The following KIRREL2 variants were observed in gnomAD, a reference collection of about 807,000 sequenced individuals.
KIRREL2 encodes the protein kin of IRRE-like protein 2.
In KIRREL2, 56 loss-of-function variants were observed where a neutral mutation model predicts 73.4. The observed-to-expected ratio is 0.76, with a 90% CI of 0.62 to 0.95. The LOEUF is 0.95. KIRREL2 is among the 40% of genes least tolerant of loss of function. The pLI is 0.00. For missense variants in KIRREL2, 896 were observed against 935.0 expected, an observed-to-expected ratio of 0.96 and a Z score of 0.54; for synonymous variants, 407 against 404.0, an observed-to-expected ratio of 1.01 and a Z score of -0.09.
At chr19:35,859,435 A>C in intron 4 of KIRREL2, 46 bp from the exon 5 acceptor site, 1 of 1,557,052 alleles carries the variant, frequency 6.4e-7, no homozygotes, top group Non-Finnish European at 8.8e-7. Context: ...AAGATTGGAC[A>C]CCCCTGATGG....
rs144138799 is a variant in KIRREL2, at chr19:35,858,732, C to T, written c.390C>T (p.Gly130=). ...CCCCAGAAGCCCCCCAGGTGCTGGG[C>T]GGCCCCTCTGTGTCTCTGGTTGCTG... ...LVPPEAPQVL[G]GPSVSLVAGV... Residue 130 remains glycine, a synonymous_variant, in exon 4 of 15, where the codon GGC becomes GGT. Transcript: ENST00000360202. The T allele has an allele frequency of 1.1e-5, 18 of 1,614,152 alleles. No individual in the cohort carries two copies. The highest frequency in any genetic ancestry group is 4.5e-5 in the East Asian group (2 of 44,878).
chr19:35,861,394 C>A (rs965172834), intron 9 of KIRREL2, 140 bp downstream of exon 9: 10 of 1,468,072 alleles, frequency 6.8e-6, no homozygotes, highest in Middle Eastern at 1.7e-4. Context: ...CTATTGAAGG[C>A]GAGGCTTTTA....
Position 35,857,423 on chromosome 19 carries a change from T to A in KIRREL2, c.140T>A (p.Leu47Gln), listed in dbSNP as rs749525294. ...LGEEARLPCA[L>Q]GAYWGLVQWT... ...GAGGAAGCCCGGCTGCCGTGTGCTC[T>A]GGGCGCCTACTGGGGGCTAGTTCAG... Residue 47 changes from leucine to glutamine, a missense_variant, in exon 2 of 15, where the codon CTG becomes CAG. Transcript: ENST00000360202. The A allele has an allele frequency of 2.4e-5, 39 of 1,612,932 alleles. No homozygotes were observed. Among genetic ancestry groups the A allele is most frequent in the Middle Eastern group, 1.8e-4 (1 of 5,472 alleles).
rs150657349 is a variant in KIRREL2 at position 35,861,866 on chromosome 19, C to T, written c.1352C>T (p.Thr451Ile). 1.3e-6 allele frequency: 2 copies of T among 1,592,324 alleles called. No individual in the cohort carries two copies. The highest frequency in any genetic ancestry group is 1.7e-6 in the Non-Finnish European group (2 of 1,169,680). Reference protein sequence around the residue: ...AGSQGRFLVETFPAPESRGGL... With the variant: ...AGSQGRFLVEIFPAPESRGGL... ...TCGCAGGGCCGGTTCCTGGTGGAGACATTCCCTGCCCCAGAGAGCCGCGGG... is the reference window on the plus strand; with the variant it reads ...TCGCAGGGCCGGTTCCTGGTGGAGATATTCCCTGCCCCAGAGAGCCGCGGG... Residue 451 changes from threonine to isoleucine, a missense_variant, in exon 11 of 15, where the codon ACA (threonine) becomes ATA (isoleucine). Transcript: ENST00000360202.
At chr19:35,856,901 G>A, upstream of KIRREL2, 1 of 632,876 alleles carries the variant, frequency 1.6e-6, no homozygotes, top group Non-Finnish European at 2.9e-6. This position sits in a 1 kb window ranked among gnomAD's most constrained non-coding sequence, Gnocchi z 5.9. Flanking sequence ...GGGCCCTCTT[G>A]GGGTCTCCCA....
intron 5 of KIRREL2, among the ~76,000 whole-genome samples, chr19:35,859,927 T>G (rs1299591901): frequency 2.0e-5 from 3 of 152,112 alleles, no homozygotes; most frequent in African/African-American, 4.8e-5. Context: ...CACTTGTAAT[T>G]CCAGCTACCT....
intron 4 of KIRREL2, 90 bp downstream of exon 4, chr19:35,858,954 C>A: frequency 7.2e-7 from 1 of 1,392,806 alleles, no homozygotes; most frequent in Non-Finnish European, 1.0e-6. Flanking sequence ...GAGAAGAAGA[C>A]ATGGGAGGGC....
rs77511944 is a variant in KIRREL2 at position 35,858,852 on chromosome 19, C to T, written c.510C>T (p.Ala170=). Residue 170 remains alanine (A), a synonymous_variant, in exon 4 of 15, where the codon GCC becomes GCT. Transcript: ENST00000360202. ...GAGATGGGGTCCTGTTGGATGGAGCCACCTTCCATCAGGTCAGGTCCAAAT... is the reference window on the plus strand; with the variant it reads ...GAGATGGGGTCCTGTTGGATGGAGCTACCTTCCATCAGGTCAGGTCCAAAT... The part of the protein sequence containing the change: ...WFRDGVLLDG[A]TFHQTLLKEG... 1.2e-6 allele frequency: 2 copies of T among 1,614,066 alleles called. No homozygotes were observed. The highest frequency in any genetic ancestry group is 1.3e-5 in the African/African-American group (1 of 74,918).
upstream of KIRREL2, among the ~76,000 whole-genome samples, chr19:35,852,168 A>C (rs2146834791): frequency 7.0e-6 from 1 of 142,836 alleles, no homozygotes; most frequent in South Asian, 2.2e-4. Context: ...CCTTCAAGCC[A>C]TCCTCCCACC....
At chr19:35,859,974 G>A (rs1376924555) in intron 5 of KIRREL2, among the ~76,000 whole-genome samples, 2 of 152,170 alleles carry the variant, frequency 1.3e-5, no homozygotes, top group East Asian at 1.9e-4. Flanking sequence ...GTACCCGGGA[G>A]GCAGATGTTG....
At chr19:35,865,583 G>GATC (rs1973931805) in intron 14 of KIRREL2, among the ~76,000 whole-genome samples, 1 of 152,122 alleles carries the variant, frequency 6.6e-6, no homozygotes, top group Non-Finnish European at 1.5e-5. Context: ...ATGACAGCTC[G>GATC]ATCATTTTGC....
chr19:35,858,737 C>G lies in KIRREL2; in HGVS notation c.395C>G (p.Pro132Arg). The change falls in exon 4 of 15, where the codon CCC (proline) becomes CGC (arginine). Residue 132 changes from proline to arginine, a missense_variant. By Grantham distance (103) the Pro-to-Arg change is moderately radical. Coordinates refer to ENST00000360202, the MANE Select transcript of KIRREL2 (RefSeq NM_199180.4). ...PPEAPQVLGG[P>R]SVSLVAGVPA... ...GAAGCCCCCCAGGTGCTGGGCGGCC[C>G]CTCTGTGTCTCTGGTTGCTGGAGTT... The G allele has an allele frequency of 1.2e-6, 2 of 1,614,200 alleles. No individual in the cohort carries two copies. The highest frequency in any genetic ancestry group is 1.7e-6 in the Non-Finnish European group (2 of 1,180,044).
At chr19:35,855,528 A>G (rs1015196642), upstream of KIRREL2, among the ~76,000 whole-genome samples, 2 of 150,592 alleles carry the variant, frequency 1.3e-5, no homozygotes, top group East Asian at 3.9e-4. Context: ...GCCACACAGA[A>G]GCCGGGAGTG....
Position 35,866,671 on chromosome 19 carries a change from C to A in KIRREL2, c.*179C>A. ...CAGTCAGCTCAGCCAAAGGAGATGC[C>A]CCAAGTGGGAGCAACATGGCCACCC... On this transcript the variant is annotated 3_prime_UTR_variant, in exon 15 of 15. Coordinates refer to ENST00000360202, the MANE Select transcript of KIRREL2 (RefSeq NM_199180.4). 1 of 876,530 alleles carries A rather than the reference C, an allele frequency of 1.1e-6. No individual in the cohort carries two copies. Among genetic ancestry groups the A allele is most frequent in the East Asian group, 2.6e-5 (1 of 38,488 alleles). 54.3% of individuals were successfully genotyped at this position (876,530 alleles called of 1,614,324 possible). A position where few individuals can be genotyped will look rare whatever the true frequency, so the allele number is the denominator to read the frequency against.
intron 9 of KIRREL2, 43 bp from the exon 10 acceptor site, chr19:35,861,498 G>A: frequency 6.3e-7 from 1 of 1,593,136 alleles, no homozygotes; most frequent in Admixed American, 1.7e-5. Flanking sequence ...CCTTTGGGGA[G>A]GGCAAGACCT....
upstream of KIRREL2, among the ~76,000 whole-genome samples, chr19:35,852,623 T>C (rs1227516453): frequency 6.6e-6 from 1 of 151,600 alleles, no homozygotes; most frequent in African/African-American, 2.4e-5. Context: ...GCCAGGCGCG[T>C]TCCTCGGTGC....
In KIRREL2 at chr19:35,862,518, G is replaced by A; in HGVS notation, c.1536G>A (p.Val512=). 2 of 1,610,158 alleles carry A rather than the reference G, an allele frequency of 1.2e-6. No homozygotes were observed. The highest frequency in any genetic ancestry group is 1.7e-6 in the Non-Finnish European group (2 of 1,179,898). ...ACTTGCTGCCCACTGTGCGGATAGT[G>A]GCCGGAGTGGCCGCTGCCACCACAA... ...RRDLLPTVRI[V]AGVAAATTTL... Residue 512 remains valine (V), a synonymous_variant, in exon 12 of 15, where the codon GTG becomes GTA. Coordinates refer to ENST00000360202, the MANE Select transcript of KIRREL2 (RefSeq NM_199180.4).
chr19:35,862,033 C>T lies in KIRREL2; in HGVS notation c.1510+9C>T. 6.3e-7 allele frequency: 1 copy of T among 1,599,516 alleles called. No homozygotes were observed. Among genetic ancestry groups the T allele is most frequent in the South Asian group, 1.1e-5 (1 of 88,770 alleles). On this transcript the variant is annotated intron_variant, in intron 11 of 14. Transcript: ENST00000360202. Reference sequence around the variant, plus strand: ...CAGCCTGGGCCGTAGAGGTGAGACCCCAGCCCGAAGACCCCAAATCTGGAG... The same window carrying T: ...CAGCCTGGGCCGTAGAGGTGAGACCTCAGCCCGAAGACCCCAAATCTGGAG...
At chr19:35,865,492 C>T (rs1281453093) in intron 14 of KIRREL2, among the ~76,000 whole-genome samples, 2 of 152,190 alleles carry the variant, frequency 1.3e-5, no homozygotes, top group Admixed American at 1.3e-4. Context: ...TACCTTCCTT[C>T]CCATGTCTAC....
Sources: allele counts gnomAD v4.1 joint callset (sites outside exome capture counted in the v4.1 genomes callset), GRCh38; gene constraint gnomAD v4.1.1; non-coding constraint Gnocchi (gnomAD v3.1); transcripts MANE v1.5; gene names NCBI Gene and HGNC (gene_info 2026-07-23, HGNC 2026-07-21).